Variants in EEPD1 observed in about 807,000 individuals in gnomAD.
EEPD1 encodes endonuclease/exonuclease/phosphatase family domain-containing protein 1.
EEPD1 carries 17 observed loss-of-function variants against 46.3 expected under a neutral mutation model. That is an observed-to-expected ratio of 0.37 (90% CI 0.25 to 0.55). The LOEUF (loss-of-function observed/expected upper bound fraction) is 0.55. Ranked by LOEUF, EEPD1 falls within the 20% of genes least tolerant of loss-of-function variation. The pLI is 0.83. For synonymous variants in EEPD1, 313 were observed against 315.6 expected, an observed-to-expected ratio of 0.99 and a Z score of 0.09; for missense variants, 673 against 745.6, an observed-to-expected ratio of 0.90 and a Z score of 1.13.
intron 6 of EEPD1, among the ~76,000 whole-genome samples, chr7:36,289,890 G>A (rs1316946974): frequency 6.6e-6 from 1 of 152,222 alleles, no homozygotes; most frequent in Non-Finnish European, 1.5e-5. Context: ...AGACACTTGG[G>A]TAGCTTCCAC....
chr7:36,176,255 G>A (rs574140828), intron 2 of EEPD1, among the ~76,000 whole-genome samples: 56 of 152,332 alleles, frequency 3.7e-4, no homozygotes, highest in African/African-American at 1.3e-3. Flanking sequence ...TGCTGGTGGT[G>A]GCTGGGGCGA....
chr7:36,207,688 T>C (rs1785846236), intron 2 of EEPD1, among the ~76,000 whole-genome samples: 1 of 152,200 alleles, frequency 6.6e-6, no homozygotes, highest in East Asian at 1.9e-4. Context: ...CTACCATTTT[T>C]GGTTTTGAAA....
rs574211990 is a variant in EEPD1, at chr7:36,236,411, C to G, written c.879-2574C>G. The stretch of plus-strand genomic sequence containing the variant: ...TGCTGGGCTTGATCGGAGGCTGAAT[C>G]CCGTGCGTGGACCGCCGTTCCCTCT... On this transcript the variant is annotated intron_variant, in intron 2 of 7. Coordinates refer to ENST00000242108, the MANE Select transcript of EEPD1 (RefSeq NM_030636.3). Among the ~76,000 whole-genome samples the G allele has an allele frequency of 1.1e-4, 17 of 152,350 alleles. No homozygotes were observed. In the East Asian group the frequency reaches 3.1e-3, roughly 28 times the overall value.
At chr7:36,184,441 C>G (rs536311420) in intron 2 of EEPD1, among the ~76,000 whole-genome samples, 1 of 152,300 alleles carries the variant, frequency 6.6e-6, no homozygotes, top group South Asian at 2.1e-4. Context: ...CAGTGCTCAA[C>G]CCAGCATTGG....
At chr7:36,256,996 C>T (rs191255977) in intron 3 of EEPD1, among the ~76,000 whole-genome samples, 11 of 152,124 alleles carry the variant, frequency 7.2e-5, no homozygotes, top group African/African-American at 2.4e-4. Context: ...TTTTCATGTG[C>T]TCTTGTAAGG....
At chr7:36,291,347 T>C (rs758548990) in intron 6 of EEPD1, among the ~76,000 whole-genome samples, 4 of 152,200 alleles carry the variant, frequency 2.6e-5, no homozygotes, top group Non-Finnish European at 5.9e-5. Context: ...CGTGTGGTCT[T>C]CCATCCTAGC....
intron 3 of EEPD1, among the ~76,000 whole-genome samples, chr7:36,243,928 A>G (rs1786596365): frequency 6.6e-6 from 1 of 151,942 alleles, no homozygotes; most frequent in African/African-American, 2.4e-5. Flanking sequence ...GGATAGCATT[A>G]GAAGATATAC....
intron 3 of EEPD1, among the ~76,000 whole-genome samples, chr7:36,247,692 C>G (rs937958816): frequency 2.6e-5 from 4 of 152,342 alleles, no homozygotes; most frequent in African/African-American, 9.6e-5. Flanking sequence ...CCCATCACAG[C>G]AGACTGGGCT....
At chr7:36,235,070 AAGCCCAGGCCTTCCCCATAGCCTCC>A (rs1300987062) in intron 2 of EEPD1, among the ~76,000 whole-genome samples, 3 of 41,450 alleles carry the variant, frequency 7.2e-5, no homozygotes, top group East Asian at 5.3e-4. Flanking sequence ...CCACAGCCTC[AAGCCCAGGCCTTCCCCATAGCCTCC>A]AGCCCAGGCC....
rs768898390 is a variant in EEPD1, at chr7:36,272,503, G to GTTTT, written c.931-8610_931-8609insTTTT. On this transcript the variant is annotated intron_variant, in intron 3 of 7. Coordinates refer to ENST00000242108, the MANE Select transcript of EEPD1 (RefSeq NM_030636.3). The stretch of plus-strand genomic sequence containing the variant: ...TGCAAGGTTTTTCTGGTTTTTTGTT[G>GTTTT]TTGTTTTTTTTTTTTTTTTGTGCTC... Among the ~76,000 whole-genome samples, 1,131 of 122,410 alleles carry GTTTT rather than the reference G, an allele frequency of 9.2e-3. 7 individuals are homozygous for GTTTT. Among genetic ancestry groups the GTTTT allele is most frequent in the Non-Finnish European group, 0.011 (671 of 58,780 alleles). The allele number at this position is 122,410 out of a possible 152,430, so 80.3% of individuals were successfully genotyped here.
intron 3 of EEPD1, among the ~76,000 whole-genome samples, chr7:36,253,499 C>T (rs1736972547): frequency 6.6e-6 from 1 of 152,042 alleles, no homozygotes; most frequent in South Asian, 2.1e-4. Context: ...TCTTTTATTT[C>T]CTTGTTGATC....
intron 2 of EEPD1, among the ~76,000 whole-genome samples, chr7:36,183,950 T>G (rs1785319991): frequency 6.6e-6 from 1 of 152,034 alleles, no homozygotes; most frequent in South Asian, 2.1e-4. Context: ...GCAAATTCTT[T>G]GTGGAATGAA....
intron 7 of EEPD1, 54 bp downstream of exon 7, chr7:36,297,241 C>T (rs907169885): frequency 5.7e-6 from 9 of 1,580,960 alleles, no homozygotes; most frequent in Middle Eastern, 1.7e-4. Flanking sequence ...GTGAGAGAAA[C>T]ATGTCTGAAC....
At position 36,287,679 on chromosome 7, in the gene EEPD1, C is replaced by T; in HGVS notation, c.1217C>T (p.Ala406Val). The change falls in exon 6 of 8, where the codon GCA (alanine) becomes GTA (valine). Residue 406 changes from alanine (A) to valine (V), a missense_variant. Transcript: ENST00000242108. ...HDLTLVNLHLAALTLLGSENP... is the reference protein window; with the variant it reads ...HDLTLVNLHLVALTLLGSENP... ...CTGACCCTTGTTAACCTTCACCTGG[C>T]AGCCCTGACCCTCCTGGGGAGCGAG... 3 of 1,614,126 alleles carry T rather than the reference C, an allele frequency of 1.9e-6. No homozygotes were observed. The highest frequency in any genetic ancestry group is 2.5e-6 in the Non-Finnish European group (3 of 1,179,998).
intron 2 of EEPD1, among the ~76,000 whole-genome samples, chr7:36,155,970 T>A (rs1047079406): frequency 4.6e-5 from 7 of 152,206 alleles, no homozygotes; most frequent in Admixed American, 4.6e-4. Context: ...AACAATATTA[T>A]TTTGGCAGTA....
intron 2 of EEPD1, among the ~76,000 whole-genome samples, chr7:36,187,798 T>G (rs1213970752): frequency 6.6e-6 from 1 of 152,184 alleles, no homozygotes; most frequent in Non-Finnish European, 1.5e-5. Flanking sequence ...TGGTATTTTT[T>G]TATTATTTAT....
intron 5 of EEPD1, among the ~76,000 whole-genome samples, chr7:36,287,263 A>AAG (rs60199452): frequency 3.3e-5 from 5 of 149,994 alleles, no homozygotes; most frequent in Admixed American, 1.3e-4. Context: ...AAAAAAAAAA[A>AAG]GTGCTGGAGT....
chr7:36,196,501 C>T (rs1230758794), intron 2 of EEPD1, among the ~76,000 whole-genome samples: 1 of 152,206 alleles, frequency 6.6e-6, no homozygotes, highest in African/African-American at 2.4e-5. Flanking sequence ...TGGCTCGCTG[C>T]AGCCTCCCTG....
chr7:36,184,628 C>T (rs1320014271), intron 2 of EEPD1, among the ~76,000 whole-genome samples: 2 of 152,188 alleles, frequency 1.3e-5, no homozygotes, highest in African/African-American at 4.8e-5. Context: ...TCTTTCGTAA[C>T]TAGGCAGTAG....
Sources: gnomAD v4.1 joint callset for allele counts (sites outside exome capture counted in the v4.1 genomes callset) on GRCh38, gnomAD v4.1.1 for gene constraint, MANE v1.5 for transcripts, NCBI Gene and HGNC (gene_info 2026-07-23, HGNC 2026-07-21) for gene names.